Variants in OR51B4 observed in about 807,000 individuals in gnomAD.
OR51B4 encodes the protein olfactory receptor family 51 subfamily B member 4, also known as olfactory receptor 51B4.
For missense variants in OR51B4, 402 were observed against 379.8 expected, an observed-to-expected ratio of 1.06 and a Z score of -0.49; for synonymous variants, 147 against 140.8, an observed-to-expected ratio of 1.04 and a Z score of -0.31.
chr11:5,301,274 T>C lies in OR51B4; in HGVS notation c.673A>G (p.Ile225Val). The change falls in exon 1 of 1, where the codon ATT becomes GTT. Residue 225 changes from isoleucine to valine, a missense_variant. Ile to Val is a conservative substitution (Grantham distance 29, BLOSUM62 3). Coordinates refer to ENST00000380224, the MANE Select transcript of OR51B4 (RefSeq NM_033179.2). ...TTAGCTTCCTCTTGTCCAGACGCAA[T>C]GCCCATCACTGTCTTGAGGATTAGT... ...YILILKTVMG[I>V]ASGQEEAKSL... The C allele has an allele frequency of 6.2e-7, 1 of 1,614,100 alleles. No individual in the cohort carries two copies. The highest frequency in any genetic ancestry group is 8.5e-7 in the Non-Finnish European group (1 of 1,180,002).
In OR51B4 at chr11:5,301,283, C is replaced by A. The variant is rs776711239; in HGVS notation, c.664G>T (p.Val222Leu). ...TCTTGTCCAGACGCAATGCCCATCA[C>A]TGTCTTGAGGATTAGTATATAAGAA... Reference protein sequence around the residue: ...IFSYILILKTVMGIASGQEEA... With the variant: ...IFSYILILKTLMGIASGQEEA... The change falls in exon 1 of 1, where the codon GTG (valine) becomes TTG (leucine). Residue 222 changes from valine (V) to leucine (L), a missense_variant. Coordinates refer to ENST00000380224, the MANE Select transcript of OR51B4 (RefSeq NM_033179.2). 4.3e-6 allele frequency: 7 copies of A among 1,614,084 alleles called. No homozygotes were observed. Among genetic ancestry groups the A allele is most frequent in the Non-Finnish European group, 5.9e-6 (7 of 1,179,998 alleles).
rs375187554 is a variant in OR51B4, at chr11:5,301,230, G to A, written c.717C>T (p.Val239=). The change falls in exon 1 of 1, where the codon GTC becomes GTT. Residue 239 remains valine, a synonymous_variant. Coordinates refer to ENST00000380224, the MANE Select transcript of OR51B4 (RefSeq NM_033179.2). ...QEEAKSLNTC[V]SHISCVLVFH... The stretch of plus-strand genomic sequence containing the variant: ...ATACTAGGACACAGCTAATATGGGA[G>A]ACACAAGTGTTGAGAGATTTAGCTT... 1.1e-5 allele frequency: 17 copies of A among 1,613,714 alleles called. No individual in the cohort carries two copies. The highest frequency in any genetic ancestry group is 1.3e-5 in the Non-Finnish European group (15 of 1,179,792).
chr11:5,301,721 T>C lies in OR51B4; in HGVS notation c.226A>G (p.Met76Val), dbSNP rs1369785487. ...AGCAGGACACCCAGGACTGTGGGCA[T>C]TGTAGTGAATGTCATCCCAAGGTCC... is the stretch of plus-strand genomic sequence containing the variant. ...DTDLGMTFTT[M>V]PTVLGVLLLD... The change falls in exon 1 of 1, where the codon ATG becomes GTG. Residue 76 changes from methionine to valine, a missense_variant. Physicochemically the swap from Met to Val is conservative, Grantham distance 21 (BLOSUM62 1). Transcript: ENST00000380224. The C allele has an allele frequency of 6.2e-7, 1 of 1,613,986 alleles. No homozygotes were observed. Among genetic ancestry groups the C allele is most frequent in the African/African-American group, 1.3e-5 (1 of 74,926 alleles).
rs115406830 is a variant in OR51B4 at position 5,301,128 on chromosome 11, C to T, written c.819G>A (p.Met273Ile). 77 of 1,613,920 alleles carry T rather than the reference C, an allele frequency of 4.8e-5. No homozygotes were observed. The African/African-American group carries it at 5.2e-4, about 11-fold the overall frequency. ...KHAPHVVPIT[M>I]SYVHFLFPPF... is the part of the protein sequence containing the mutation. ...GAGGAAAGAGAAAATGGACATAGCT[C>T]ATGGTAATGGGGACCACATGAGGTG... The change falls in exon 1 of 1, where the codon ATG becomes ATA. Residue 273 changes from methionine to isoleucine, a missense_variant. Transcript: ENST00000380224.
chr11:5,301,094 TC>T lies in OR51B4; in HGVS notation c.852del (p.Asn285IlefsTer?), dbSNP rs748939457. On this transcript the variant is annotated frameshift_variant, in exon 1 of 1. Transcript: ENST00000380224. LOFTEE classifies it low-confidence loss of function (END_TRUNC). The part of the protein sequence containing the change: ...SYVHFLFPPF[V>X]NPIIYSIKTK... ...GTCTTGATGCTATAAATGATAGGAT[TC>T]ACGAATGGAGGAAAGAGAAAATGGA... 6.2e-7 allele frequency: 1 copy of T among 1,613,954 alleles called. No homozygotes were observed. The highest frequency in any genetic ancestry group is 8.5e-7 in the Non-Finnish European group (1 of 1,179,978).
rs1183981068 is a variant in OR51B4, at chr11:5,301,832, C to CA, written c.114dup (p.Gly39TrpfsTer12). 1.9e-6 allele frequency: 3 copies of CA among 1,612,592 alleles called. No homozygotes were observed. In the African/African-American group the frequency reaches 4.0e-5, roughly 22 times the overall value. On this transcript the variant is annotated frameshift_variant, in exon 1 of 1. Coordinates refer to ENST00000380224, the MANE Select transcript of OR51B4 (RefSeq NM_033179.2). LOFTEE classifies it low-confidence loss of function (END_TRUNC). ...ATGAGGACAAGAAGAGTGCCATTTC[C>CA]AAAAAGGACGGAGAAGTAGATGACA... is the stretch of plus-strand genomic sequence containing the variant.
Position 5,301,028 on chromosome 11 carries a change from G to C in OR51B4, c.919C>G (p.Gln307Glu). The C allele has an allele frequency of 2.5e-6, 4 of 1,600,522 alleles. No individual in the cohort carries two copies. Among genetic ancestry groups the C allele is most frequent in the Non-Finnish European group, 3.4e-6 (4 of 1,173,446 alleles). ...GAAATAAGGGCTCAAGCCCTACTCT[G>C]CCCAGAAAATAGGCGAATAATGCTT... The part of the protein sequence containing the change: ...QRSIIRLFSG[Q>E]SRA The change falls in exon 1 of 1, where the codon CAG becomes GAG. Residue 307 changes from glutamine to glutamate, a missense_variant. Transcript: ENST00000380224.
chr11:5,301,331 A>G lies in OR51B4; in HGVS notation c.616T>C (p.Leu206=). Residue 206 remains leucine (L), a synonymous_variant, in exon 1 of 1, where the codon TTA becomes CTA. Coordinates refer to ENST00000380224, the MANE Select transcript of OR51B4 (RefSeq NM_033179.2). ...PIIQTSLTVF[L]DALIIIFSYI... Reference sequence around the variant, plus strand: ...GAAAAGATGATGATTAGAGCATCTAAAAAGACAGTCAAAGAAGTCTGAATA... The same window carrying G: ...GAAAAGATGATGATTAGAGCATCTAGAAAGACAGTCAAAGAAGTCTGAATA... 1.9e-6 allele frequency: 3 copies of G among 1,614,102 alleles called. No homozygotes were observed. The highest frequency in any genetic ancestry group is 2.2e-5 in the East Asian group (1 of 44,886).
At position 5,301,395 on chromosome 11, in the gene OR51B4, G is replaced by A. The variant is rs904787135; in HGVS notation, c.552C>T (p.Leu184=). ...TFCLHQDVIK[L]ACADITFNHI... Reference sequence around the variant, plus strand: ...GATTAAACGTGATATCAGCACAGGCGAGTTTTATGACATCTTGATGGAGGC... The same window carrying A: ...GATTAAACGTGATATCAGCACAGGCAAGTTTTATGACATCTTGATGGAGGC... Residue 184 remains leucine (L), a synonymous_variant, in exon 1 of 1, where the codon CTC becomes CTT. Transcript: ENST00000380224. The A allele has an allele frequency of 1.6e-5, 26 of 1,614,086 alleles. No individual in the cohort carries two copies. Among genetic ancestry groups the A allele is most frequent in the East Asian group, 6.7e-5 (3 of 44,882 alleles).
Position 5,301,606 on chromosome 11 carries a change from A to AC in OR51B4, c.340dup (p.Val114GlyfsTer5), listed in dbSNP as rs1416891651. 1 of 1,614,034 alleles carries AC rather than the reference A, an allele frequency of 6.2e-7. No homozygotes were observed. Among genetic ancestry groups the AC allele is most frequent in the African/African-American group, 1.3e-5 (1 of 74,894 alleles). On this transcript the variant is annotated frameshift_variant, in exon 1 of 1. Transcript: ENST00000380224. LOFTEE classifies it low-confidence loss of function (END_TRUNC). The stretch of plus-strand genomic sequence containing the variant: ...GGCAATGAAACAGTCATAGGCCAAA[A>AC]CAAGCAAGATACCTGATTCTACAAT...
At position 5,301,818 on chromosome 11, in the gene OR51B4, A is replaced by T; in HGVS notation, c.129T>A (p.Leu43=). The change falls in exon 1 of 1, where the codon CTT becomes CTA. Residue 43 remains leucine, a synonymous_variant. Coordinates refer to ENST00000380224, the MANE Select transcript of OR51B4 (RefSeq NM_033179.2). ...TGTGATCATTCCAAATGAGGACAAGAAGAGTGCCATTTCCAAAAAGGACGG... is the reference window on the plus strand; with the variant it reads ...TGTGATCATTCCAAATGAGGACAAGTAGAGTGCCATTTCCAAAAAGGACGG... ...YFSVLFGNGT[L]LVLIWNDHSL... is the part of the protein sequence containing the mutation. The T allele has an allele frequency of 6.2e-7, 1 of 1,614,142 alleles. No individual in the cohort carries two copies. Among genetic ancestry groups the T allele is most frequent in the Non-Finnish European group, 8.5e-7 (1 of 1,180,022 alleles).
chr11:5,301,385 C>T lies in OR51B4; in HGVS notation c.562G>A (p.Asp188Asn), dbSNP rs894509159. 2 of 1,613,878 alleles carry T rather than the reference C, an allele frequency of 1.2e-6. No individual in the cohort carries two copies. The highest frequency in any genetic ancestry group is 2.7e-5 in the African/African-American group (2 of 74,916). Reference sequence around the variant, plus strand: ...GGATATATGTGATTAAACGTGATATCAGCACAGGCGAGTTTTATGACATCT... The same window carrying T: ...GGATATATGTGATTAAACGTGATATTAGCACAGGCGAGTTTTATGACATCT... The part of the protein sequence containing the change: ...HQDVIKLACA[D>N]ITFNHIYPII... Residue 188 changes from aspartate to asparagine, a missense_variant, in exon 1 of 1, where the codon GAT (aspartate) becomes AAT (asparagine). Coordinates refer to ENST00000380224, the MANE Select transcript of OR51B4 (RefSeq NM_033179.2).
chr11:5,301,291 A>C lies in OR51B4; in HGVS notation c.656T>G (p.Leu219Arg). ...LIIIFSYILI[L>R]KTVMGIASGQ... ...AGACGCAATGCCCATCACTGTCTTG[A>C]GGATTAGTATATAAGAAAAGATGAT... is the stretch of plus-strand genomic sequence containing the variant. Residue 219 changes from leucine to arginine, a missense_variant, in exon 1 of 1, where the codon CTC (leucine) becomes CGC (arginine). Leu to Arg is a moderately radical substitution (Grantham distance 102). Transcript: ENST00000380224. 6.2e-7 allele frequency: 1 copy of C among 1,614,102 alleles called. No individual in the cohort carries two copies. The highest frequency in any genetic ancestry group is 8.5e-7 in the Non-Finnish European group (1 of 1,180,008).
rs116689629 is a variant in OR51B4, at chr11:5,301,377, C to T, written c.570G>A (p.Thr190=). 28 of 1,613,938 alleles carry T rather than the reference C, an allele frequency of 1.7e-5. No individual in the cohort carries two copies. Among genetic ancestry groups the T allele is most frequent in the African/African-American group, 5.3e-5 (4 of 75,014 alleles). Residue 190 remains threonine, a synonymous_variant, in exon 1 of 1, where the codon ACG becomes ACA. Transcript: ENST00000380224. ...DVIKLACADI[T]FNHIYPIIQT... is the part of the protein sequence containing the mutation. ...GAATAATTGGATATATGTGATTAAA[C>T]GTGATATCAGCACAGGCGAGTTTTA... is the stretch of plus-strand genomic sequence containing the variant.
rs1196595140 is a variant in OR51B4, at chr11:5,301,113, A to C, written c.834T>G (p.Phe278Leu). Residue 278 changes from phenylalanine (F) to leucine (L), a missense_variant, in exon 1 of 1, where the codon TTT becomes TTG. Coordinates refer to ENST00000380224, the MANE Select transcript of OR51B4 (RefSeq NM_033179.2). ...TAGGATTCACGAATGGAGGAAAGAG[A>C]AAATGGACATAGCTCATGGTAATGG... Reference protein sequence around the residue: ...VVPITMSYVHFLFPPFVNPII... With the variant: ...VVPITMSYVHLLFPPFVNPII... The C allele has an allele frequency of 6.2e-7, 1 of 1,613,984 alleles. No homozygotes were observed. Among genetic ancestry groups the C allele is most frequent in the African/African-American group, 1.3e-5 (1 of 75,026 alleles).
chr11:5,301,270 G>T lies in OR51B4; in HGVS notation c.677C>A (p.Ala226Glu), dbSNP rs116026654. 6.2e-7 allele frequency: 1 copy of T among 1,613,912 alleles called. No individual in the cohort carries two copies. The highest frequency in any genetic ancestry group is 8.5e-7 in the Non-Finnish European group (1 of 1,179,878). Residue 226 changes from alanine to glutamate, a missense_variant, in exon 1 of 1, where the codon GCG (alanine) becomes GAG (glutamate). Coordinates refer to ENST00000380224, the MANE Select transcript of OR51B4 (RefSeq NM_033179.2). Reference sequence around the variant, plus strand: ...AGATTTAGCTTCCTCTTGTCCAGACGCAATGCCCATCACTGTCTTGAGGAT... The same window carrying T: ...AGATTTAGCTTCCTCTTGTCCAGACTCAATGCCCATCACTGTCTTGAGGAT... Reference protein sequence around the residue: ...ILILKTVMGIASGQEEAKSLN... With the variant: ...ILILKTVMGIESGQEEAKSLN...
rs753129774 is a variant in OR51B4 at position 5,301,469 on chromosome 11, G to A, written c.478C>T (p.Leu160Phe). 6.2e-7 allele frequency: 1 copy of A among 1,614,164 alleles called. No homozygotes were observed. Among genetic ancestry groups the A allele is most frequent in the Non-Finnish European group, 8.5e-7 (1 of 1,180,034 alleles). Residue 160 changes from leucine (L) to phenylalanine (F), a missense_variant, in exon 1 of 1, where the codon CTC (leucine) becomes TTC (phenylalanine). Leu to Phe is a conservative substitution (Grantham distance 22). Coordinates refer to ENST00000380224, the MANE Select transcript of OR51B4 (RefSeq NM_033179.2). ...FMSILPIILS[L>F]YCYPYCGSRA... Reference sequence around the variant, plus strand: ...GAACCACAATATGGGTAGCAGTAGAGTGAAAGAATTATGGGCAAAATGGAC... The same window carrying A: ...GAACCACAATATGGGTAGCAGTAGAATGAAAGAATTATGGGCAAAATGGAC...
chr11:5,301,133 T>C lies in OR51B4; in HGVS notation c.814A>G (p.Thr272Ala). 6.2e-7 allele frequency: 1 copy of C among 1,613,722 alleles called. No individual in the cohort carries two copies. Among genetic ancestry groups the C allele is most frequent in the Non-Finnish European group, 8.5e-7 (1 of 1,179,652 alleles). Residue 272 changes from threonine (T) to alanine (A), a missense_variant, in exon 1 of 1, where the codon ACC (threonine) becomes GCC (alanine). Thr to Ala is a moderately conservative substitution (Grantham distance 58). Transcript: ENST00000380224. ...GKHAPHVVPI[T>A]MSYVHFLFPP... ...AAGAGAAAATGGACATAGCTCATGG[T>C]AATGGGGACCACATGAGGTGCATGT... is the stretch of plus-strand genomic sequence containing the variant.
chr11:5,301,083 A>G lies in OR51B4; in HGVS notation c.864T>C (p.Ile288=), dbSNP rs746364936. 6.2e-7 allele frequency: 1 copy of G among 1,613,944 alleles called. No individual in the cohort carries two copies. The change falls in exon 1 of 1, where the codon ATT becomes ATC. Residue 288 remains isoleucine (I), a synonymous_variant. Coordinates refer to ENST00000380224, the MANE Select transcript of OR51B4 (RefSeq NM_033179.2). ...FLFPPFVNPI[I]YSIKTKQIQR... The stretch of plus-strand genomic sequence containing the variant: ...GAATCTGCTTGGTCTTGATGCTATA[A>G]ATGATAGGATTCACGAATGGAGGAA...
Sources: gnomAD v4.1 joint callset for allele counts on GRCh38, gnomAD v4.1.1 for gene constraint, MANE v1.5 for transcripts, NCBI Gene and HGNC (gene_info 2026-07-23, HGNC 2026-07-21) for gene names.